The following UTP4 variants were observed in gnomAD, a reference collection of about 807,000 sequenced individuals.
UTP4 encodes the protein U3 small nucleolar RNA-associated protein 4 homolog.
A neutral mutation model predicts 82.4 loss-of-function variants in UTP4; 45 were observed. The ratio of observed to expected loss-of-function variants is 0.55; its 90% CI spans 0.43 to 0.70. The LOEUF (loss-of-function observed/expected upper bound fraction) is 0.70, where lower values mean the gene tolerates loss of function less well. UTP4 is among the 30% of genes least tolerant of loss of function. UTP4 has a pLI of 0.00. For missense variants in UTP4, 819 were observed against 858.3 expected (o/e 0.95, Z 0.57); for synonymous variants, 348 against 300.3 (o/e 1.16, Z -1.64).
intron 6 of UTP4, among the ~76,000 whole-genome samples, chr16:69,144,117 A>G (rs1597137912): frequency 2.7e-5 from 4 of 148,976 alleles, no homozygotes; most frequent in African/African-American, 9.9e-5. Context: ...CGAACTCCTG[A>G]CCTCAGGTGA....
chr16:69,157,322 G>T, intron 12 of UTP4, 82 bp downstream of exon 12: 2 of 1,314,810 alleles, frequency 1.5e-6, no homozygotes, highest in Non-Finnish European at 1.1e-6. Context: ...CATGTCGGGG[G>T]TTCCCTCATG....
intron 12 of UTP4, 56 bp from the exon 13 acceptor site, chr16:69,160,300 A>G: frequency 4.5e-6 from 6 of 1,336,996 alleles, no homozygotes; most frequent in Non-Finnish European, 6.5e-6. Flanking sequence ...TCTCCAGGGC[A>G]GGTCTGGCTG....
Position 69,136,763 on chromosome 16 carries a change from G to C in UTP4, c.227G>C (p.Ser76Thr), listed in dbSNP as rs779683974. ...TGGGCAGAAGGACAGCGACTCTTTA[G>C]TGCTGGGCTCAATGGCGAGATTATG... Reference protein sequence around the residue: ...LCWAEGQRLFSAGLNGEIMEY... With the variant: ...LCWAEGQRLFTAGLNGEIMEY... Residue 76 changes from serine to threonine, a missense_variant, in exon 3 of 17, where the codon AGT becomes ACT. Coordinates refer to ENST00000314423, the MANE Select transcript of UTP4 (RefSeq NM_032830.3). 1.9e-6 allele frequency: 3 copies of C among 1,614,018 alleles called. No homozygotes were observed. The highest frequency in any genetic ancestry group is 2.5e-6 in the Non-Finnish European group (3 of 1,179,990).
At position 69,157,152 on chromosome 16, in the gene UTP4, C is replaced by A; in HGVS notation, c.1356C>A (p.Leu452=). The A allele has an allele frequency of 6.2e-7, 1 of 1,614,224 alleles. No homozygotes were observed. Among genetic ancestry groups the A allele is most frequent in the Non-Finnish European group, 8.5e-7 (1 of 1,180,036 alleles). The stretch of plus-strand genomic sequence containing the variant: ...TGTTTTCTGAAGATTCAACAAAGCT[C>A]TTTGTAGCATCAAATCAAGGAGCTC... ...QILFSEDSTK[L]FVASNQGALH... Residue 452 remains leucine, a synonymous_variant, in exon 12 of 17, where the codon CTC becomes CTA. Coordinates refer to ENST00000314423, the MANE Select transcript of UTP4 (RefSeq NM_032830.3).
chr16:69,148,903 T>C (rs1963189860), intron 6 of UTP4, among the ~76,000 whole-genome samples: 1 of 152,196 alleles, frequency 6.6e-6, no homozygotes, highest in Non-Finnish European at 1.5e-5. Context: ...CTAGCCACAT[T>C]ACTACTCTTG....
At chr16:69,156,983 A>C in intron 11 of UTP4, 101 bp from the exon 12 acceptor site, 2 of 1,247,198 alleles carry the variant, frequency 1.6e-6, no homozygotes, top group South Asian at 2.4e-5. Context: ...GCTTACTTAG[A>C]GACAGGAAGC....
At chr16:69,140,511 T>C (rs1962930183) in intron 5 of UTP4, among the ~76,000 whole-genome samples, 1 of 151,460 alleles carries the variant, frequency 6.6e-6, no homozygotes, top group South Asian at 2.1e-4. Context: ...AGGTCGGGAG[T>C]TCAAGACCAG....
rs1963772268 is a variant in UTP4 at position 69,168,927 on chromosome 16, T to A, written c.2051T>A (p.Phe684Tyr). 6.2e-7 allele frequency: 1 copy of A among 1,609,478 alleles called. No homozygotes were observed. The highest frequency in any genetic ancestry group is 1.3e-5 in the African/African-American group (1 of 74,806). ...CCACCACCCATTAAAAAGAAGAAATTTGGAACCTAAAACAGGGCACTGTCT... is the reference window on the plus strand; with the variant it reads ...CCACCACCCATTAAAAAGAAGAAATATGGAACCTAAAACAGGGCACTGTCT... ...QLPPPIKKKK[F>Y]GT Residue 684 changes from phenylalanine (F) to tyrosine (Y), a missense_variant, in exon 17 of 17, where the codon TTT (phenylalanine) becomes TAT (tyrosine). Coordinates refer to ENST00000314423, the MANE Select transcript of UTP4 (RefSeq NM_032830.3).
rs1962701019 is a variant in UTP4, at chr16:69,133,349, G to A, written c.-2-109G>A. On this transcript the variant is annotated intron_variant, in intron 1 of 16. Transcript: ENST00000314423. ...GCCATTTGGAAATGAACTTCAGGGAGATGTTGTTGGAGCCTTCCAGCCAGA... is the reference window on the plus strand; with the variant it reads ...GCCATTTGGAAATGAACTTCAGGGAAATGTTGTTGGAGCCTTCCAGCCAGA... The A allele has an allele frequency of 5.0e-6, 5 of 1,004,688 alleles. No individual in the cohort carries two copies. The South Asian group carries it at 5.4e-5, about 11-fold the overall frequency. The allele number at this position is 1,004,688 out of a possible 1,614,324, so 62.2% of individuals were successfully genotyped here.
At chr16:69,148,015 G>A (rs1218118038) in intron 6 of UTP4, among the ~76,000 whole-genome samples, 1 of 152,008 alleles carries the variant, frequency 6.6e-6, no homozygotes, top group Non-Finnish European at 1.5e-5. Context: ...GTGCAGTGGC[G>A]TGATCTCCGC....
chr16:69,141,776 T>C (rs551648291), intron 5 of UTP4, among the ~76,000 whole-genome samples: 10 of 151,776 alleles, frequency 6.6e-5, no homozygotes, highest in Non-Finnish European at 1.3e-4. Flanking sequence ...ATCTTCTTTT[T>C]TACAGCATTC....
intron 8 of UTP4, 24 bp downstream of exon 8, chr16:69,150,928 G>A (rs1196164444): frequency 6.4e-7 from 1 of 1,557,272 alleles, no homozygotes; most frequent in Admixed American, 1.7e-5. Flanking sequence ...CCAAGCCCCT[G>A]CTAACCCCTC....
At chr16:69,142,474 T>C (rs1962985262) in intron 5 of UTP4, among the ~76,000 whole-genome samples, 1 of 152,224 alleles carries the variant, frequency 6.6e-6, no homozygotes, top group East Asian at 1.9e-4. Context: ...GCTTCCCACC[T>C]TCTTAGTCAG....
At position 69,160,438 on chromosome 16, in the gene UTP4, T is replaced by C. The variant is rs200233638; in HGVS notation, c.1527T>C (p.His509=). 26 of 1,613,968 alleles carry C rather than the reference T, an allele frequency of 1.6e-5. No individual in the cohort carries two copies. Among genetic ancestry groups the C allele is most frequent in the Non-Finnish European group, 2.0e-5 (24 of 1,179,948 alleles). The part of the protein sequence containing the change: ...LAASGTSAGV[H]VYNVKQLKLH... ...CATCAGGTACCAGTGCTGGAGTCCA[T>C]GTCTACAACGTAAAACAGCTAAAGG... Residue 509 remains histidine (H), a synonymous_variant, in exon 13 of 17, where the codon CAT becomes CAC. Coordinates refer to ENST00000314423, the MANE Select transcript of UTP4 (RefSeq NM_032830.3).
chr16:69,138,162 T>C (rs892147276), intron 4 of UTP4: 1 of 467,174 alleles, frequency 2.1e-6, no homozygotes, highest in East Asian at 3.8e-5. Context: ...CACTTACTTT[T>C]GTGATGTTTT....
rs1459555837 is a variant in UTP4 at position 69,162,846 on chromosome 16, C to T, written c.1552-237C>T. Among the ~76,000 whole-genome samples, 6 of 149,632 alleles carry T rather than the reference C, an allele frequency of 4.0e-5. No individual in the cohort carries two copies. In the East Asian group the frequency reaches 7.8e-4, roughly 20 times the overall value. ...AGAGGTTGCAGTGAGCTGATTATCA[C>T]GCCACTGCACTCCAGCCTGGGTGAC... is the stretch of plus-strand genomic sequence containing the variant. On this transcript the variant is annotated intron_variant, in intron 13 of 16. Transcript: ENST00000314423.
In UTP4 at chr16:69,167,157, A is replaced by G. The variant is rs753025653; in HGVS notation, c.1916A>G (p.His639Arg). 5.0e-6 allele frequency: 8 copies of G among 1,610,386 alleles called. No homozygotes were observed. The highest frequency in any genetic ancestry group is 4.0e-5 in the African/African-American group (3 of 74,838). Residue 639 changes from histidine to arginine, a missense_variant, in exon 16 of 17, where the codon CAT becomes CGT. Physicochemically the swap from His to Arg is conservative, Grantham distance 29 (BLOSUM62 0). Transcript: ENST00000314423. ...GATGTCATCCGGAGGCGCACAGCTC[A>G]TGCTTTTAAAATTTCTAAGATATAT... is the stretch of plus-strand genomic sequence containing the variant. ...ESDVIRRRTA[H>R]AFKISKIYKP... is the part of the protein sequence containing the mutation.
chr16:69,158,990 A>T (rs1337411348), intron 12 of UTP4, among the ~76,000 whole-genome samples: 1 of 152,218 alleles, frequency 6.6e-6, no homozygotes, highest in Non-Finnish European at 1.5e-5. Context: ...CTAAATACAC[A>T]GCAGGCATCC....
chr16:69,155,306 T>A (rs973932982), intron 10 of UTP4, among the ~76,000 whole-genome samples: 1 of 152,130 alleles, frequency 6.6e-6, no homozygotes, highest in African/African-American at 2.4e-5. Flanking sequence ...CCCAGGTAGC[T>A]GGGACTACAG....
Sources: gnomAD v4.1 joint callset for allele counts (sites outside exome capture counted in the v4.1 genomes callset) on GRCh38, gnomAD v4.1.1 for gene constraint, MANE v1.5 for transcripts, NCBI Gene and HGNC (gene_info 2026-07-23, HGNC 2026-07-21) for gene names.